The following NME6 variants were observed in gnomAD, a reference collection of about 807,000 sequenced individuals.
NME6 encodes the protein nucleoside diphosphate kinase 6, mitochondrial.
NME6 carries 16 observed loss-of-function variants against 22.2 expected under a neutral mutation model. That is an observed-to-expected ratio of 0.72 (90% CI 0.49 to 1.09). The LOEUF is 1.09. Among genes scored for constraint, NME6 ranks in the 50% least tolerant of loss-of-function variants. The pLI, the probability that NME6 is intolerant of heterozygous loss-of-function variation, is 0.00. For missense variants in NME6, 229 were observed against 239.0 expected, an observed-to-expected ratio of 0.96 and a Z score of 0.28; for synonymous variants, 58 against 85.2, an observed-to-expected ratio of 0.68 and a Z score of 1.76.
chr3:48,287,970 G>T (rs2034256126), downstream of NME6, among the ~76,000 whole-genome samples: 1 of 152,110 alleles, frequency 6.6e-6, no homozygotes, highest in South Asian at 2.1e-4. Flanking sequence ...GAGAATACAT[G>T]AATATATCTA....
intron 4 of NME6, chr3:48,295,437 G>A (rs1217750974): frequency 5.2e-6 from 3 of 573,662 alleles, no homozygotes; most frequent in Non-Finnish European, 9.0e-6. Flanking sequence ...GGGTGGCTAT[G>A]CAGCATTCAA....
In NME6 at chr3:48,294,666, C is replaced by T. The variant is rs1261301834; in HGVS notation, c.532G>A (p.Ala178Thr). ...GCTGGTCCTAGGCCTCCTGTTCCAGCTACATAGTGGACACCTCCCTCTGGG... is the reference window on the plus strand; with the variant it reads ...GCTGGTCCTAGGCCTCCTGTTCCAGTTACATAGTGGACACCTCCCTCTGGG... ...YSPEGGVHYV[A>T]GTGGLGPA Residue 178 changes from alanine to threonine, a missense_variant, in exon 6 of 6, where the codon GCT becomes ACT. Physicochemically the swap from Ala to Thr is moderately conservative, Grantham distance 58. Transcript: ENST00000442597. The T allele has an allele frequency of 6.2e-7, 1 of 1,614,206 alleles. No homozygotes were observed.
Position 48,298,456 on chromosome 3 carries a change from C to T in NME6, c.61G>A (p.Asp21Asn). The T allele has an allele frequency of 6.2e-7, 1 of 1,614,100 alleles. No homozygotes were observed. Among genetic ancestry groups the T allele is most frequent in the Non-Finnish European group, 8.5e-7 (1 of 1,179,964 alleles). ...LQLTLALIKP[D>N]AVAHPLILEA... ...AGAATCAGTGGATGGGCGACTGCGT[C>T]AGGCTTGATCAGGGCTAGAGTGAGC... The change falls in exon 2 of 6, where the codon GAC (aspartate) becomes AAC (asparagine). Residue 21 changes from aspartate to asparagine, a missense_variant. Transcript: ENST00000442597.
intron 1 of NME6, chr3:48,299,027 C>T: frequency 1.4e-6 from 1 of 702,504 alleles, no homozygotes; most frequent in South Asian, 1.5e-5. Flanking sequence ...ACCAAAAAGT[C>T]TGCTGGATAA....
chr3:48,289,800 A>C (rs551188878), downstream of NME6, among the ~76,000 whole-genome samples: 1 of 152,300 alleles, frequency 6.6e-6, no homozygotes, highest in Admixed American at 6.5e-5. Context: ...TAATAGGAAA[A>C]TTTTGGAGAC....
chr3:48,290,837 T>A, downstream of NME6: 2 of 198,748 alleles, frequency 1.0e-5, no homozygotes, highest in South Asian at 1.8e-4. Context: ...AGTTCCCATG[T>A]TGTATCTATG....
chr3:48,294,861 C>G, intron 5 of NME6, 58 bp from the exon 6 acceptor site: 1 of 1,571,756 alleles, frequency 6.4e-7, no homozygotes, highest in Non-Finnish European at 8.7e-7. Flanking sequence ...AAGAGGCAGT[C>G]ATAATCAGGT....
chr3:48,291,369 C>G, downstream of NME6: 1 of 459,780 alleles, frequency 2.2e-6, no homozygotes, highest in East Asian at 7.4e-5. Context: ...TTCTTTTGCT[C>G]TCACATGCTC....
At position 48,301,052 on chromosome 3, in the gene NME6, C is replaced by CA. The variant is rs1226953388; in HGVS notation, c.-8+300dup. Among the ~76,000 whole-genome samples the CA allele has an allele frequency of 3.4e-3, 513 of 150,742 alleles. 5 individuals carry two copies. Among genetic ancestry groups the CA allele is most frequent in the African/African-American group, 0.012 (479 of 41,120 alleles). On this transcript the variant is annotated intron_variant, in intron 1 of 5. Coordinates refer to ENST00000442597, the MANE Select transcript of NME6 (RefSeq NM_001308426.2). ...ACAGAACCAGACTCCGTCTCCAAAACAAAAAAAAAGTAAAGCTGTCGGTAC... is the reference window on the plus strand; with the variant it reads ...ACAGAACCAGACTCCGTCTCCAAAACAAAAAAAAAAGTAAAGCTGTCGGTAC...
downstream of NME6, chr3:48,291,287 T>A (rs2034440506): frequency 2.3e-6 from 1 of 426,018 alleles, no homozygotes; most frequent in Admixed American, 3.1e-5. Flanking sequence ...TCTTTTTAGG[T>A]CTTTATCATT....
chr3:48,299,935 CCTCA>C (rs1397679435), intron 1 of NME6, among the ~76,000 whole-genome samples: 2 of 152,122 alleles, frequency 1.3e-5, no homozygotes, highest in Admixed American at 1.3e-4. Context: ...ACCTCCCCTC[CCTCA>C]CTCTTCATAT....
At chr3:48,297,580 C>T (rs754850624) in intron 2 of NME6, 1 of 152,378 alleles carries the variant, frequency 6.6e-6, no homozygotes, top group African/African-American at 2.4e-5. Flanking sequence ...ATTTCCCACC[C>T]TAATCTCCAG....
At position 48,294,639 on chromosome 3, in the gene NME6, A is replaced by T; in HGVS notation, c.559T>A (p.Ter187ArgextTer19). The part of the protein sequence containing the change: ...VAGTGGLGPA[*>R] The stretch of plus-strand genomic sequence containing the variant: ...CCACTGGTCTTCATAGACCTGCATC[A>T]GGCTGGTCCTAGGCCTCCTGTTCCA... The change falls in exon 6 of 6, where the codon TGA becomes AGA. Residue 187 changes from the stop codon to arginine, a stop_lost. Transcript: ENST00000442597. The T allele has an allele frequency of 6.2e-7, 1 of 1,613,982 alleles. No homozygotes were observed. Among genetic ancestry groups the T allele is most frequent in the South Asian group, 1.1e-5 (1 of 91,072 alleles).
intron 5 of NME6, 122 bp from the exon 6 acceptor site, chr3:48,294,925 G>A (rs986114328): frequency 1.0e-5 from 14 of 1,398,560 alleles, no homozygotes; most frequent in Non-Finnish European, 1.4e-5. Context: ...GGCATGTAAA[G>A]AAAGTCCACA....
chr3:48,294,507 G>C lies in NME6; in HGVS notation c.*130C>G, dbSNP rs1162696859. The C allele has an allele frequency of 1.2e-6, 1 of 803,528 alleles. No homozygotes were observed. Among genetic ancestry groups the C allele is most frequent in the Admixed American group, 2.5e-5 (1 of 40,112 alleles). The allele number at this position is 803,528 out of a possible 1,614,324, so 49.8% of individuals were successfully genotyped here. A position where few individuals can be genotyped will look rare whatever the true frequency, so the allele number is the denominator to read the frequency against. On this transcript the variant is annotated 3_prime_UTR_variant, in exon 6 of 6. Coordinates refer to ENST00000442597, the MANE Select transcript of NME6 (RefSeq NM_001308426.2). Reference sequence around the variant, plus strand: ...TGGAGGATGTGCTGTGGTGAGCTAGGCCCTCAGGCAGGTGGTGGTGCCCAG... The same window carrying C: ...TGGAGGATGTGCTGTGGTGAGCTAGCCCCTCAGGCAGGTGGTGGTGCCCAG...
intron 1 of NME6, 163 bp downstream of exon 1, chr3:48,301,190 C>T: frequency 7.2e-7 from 1 of 1,397,668 alleles, no homozygotes; most frequent in Non-Finnish European, 9.7e-7. Flanking sequence ...GTGGCCACGC[C>T]CTCCAGCCCC....
At chr3:48,289,609 C>T (rs2034322295), downstream of NME6, among the ~76,000 whole-genome samples, 1 of 152,136 alleles carries the variant, frequency 6.6e-6, no homozygotes, top group South Asian at 2.1e-4. Context: ...TTACAGCTCC[C>T]GCCTGAGCTC....
downstream of NME6, chr3:48,290,634 A>G (rs80251740): frequency 1.3e-3 from 203 of 153,832 alleles, no homozygotes; most frequent in Non-Finnish European, 2.1e-3. Context: ...ATGCAACAAA[A>G]TATCAATTTC....
Position 48,296,922 on chromosome 3 carries a change from G to A in NME6, c.91-93C>T, listed in dbSNP as rs2035173511. Reference sequence around the variant, plus strand: ...GGACCACTTGTTGCTCAGGACCTGAGGGTTTGTCCCATTGAAGGGTGAGAA... The same window carrying A: ...GGACCACTTGTTGCTCAGGACCTGAAGGTTTGTCCCATTGAAGGGTGAGAA... On this transcript the variant is annotated intron_variant, in intron 2 of 5. Transcript: ENST00000442597. The A allele has an allele frequency of 8.6e-6, 8 of 935,532 alleles. No homozygotes were observed. In the East Asian group the frequency reaches 2.0e-4, roughly 23 times the overall value. The allele number at this position is 935,532 out of a possible 1,614,324, so 58.0% of individuals were successfully genotyped here.
Sources: gnomAD v4.1 joint callset for allele counts (sites outside exome capture counted in the v4.1 genomes callset) on GRCh38, gnomAD v4.1.1 for gene constraint, MANE v1.5 for transcripts, NCBI Gene and HGNC (gene_info 2026-07-23, HGNC 2026-07-21) for gene names.